HS6ST2: variants seen among roughly 807,000 people sequenced by gnomAD.
HS6ST2 encodes heparan-sulfate 6-O-sulfotransferase 2.
Under a neutral mutation model 33.0 loss-of-function variants are expected in HS6ST2, and 17 were observed. That is an observed-to-expected ratio of 0.52 (90% CI 0.35 to 0.77). HS6ST2 has a LOEUF of 0.77. HS6ST2 is among the 30% of genes least tolerant of loss of function. The probability of loss-of-function intolerance (pLI) is 0.01; values close to 1 mark genes in which losing one functional copy is unlikely to be tolerated. For missense variants in HS6ST2, 519 were observed against 551.7 expected (o/e 0.94, Z 0.59); for synonymous variants, 248 against 237.1 (o/e 1.05, Z -0.42).
chrX:132,668,904 TC>T (rs2063832955), intron 4 of HS6ST2, among the ~76,000 whole-genome samples: 1 of 111,307 alleles, frequency 9.0e-6, no homozygotes, highest in African/African-American at 3.3e-5. Context: ...TTTCCATCCC[TC>T]TCCTCCCTCT....
At position 132,868,251 on chromosome X, in the gene HS6ST2, G is replaced by C. The variant is rs765500829; in HGVS notation, c.947+88557C>G. Among the ~76,000 whole-genome samples, 19 of 112,243 alleles carry C rather than the reference G, an allele frequency of 1.7e-4. No homozygotes were observed. In the South Asian group the frequency reaches 6.4e-3, roughly 38 times the overall value. On this transcript the variant is annotated intron_variant, in intron 2 of 4. Transcript: ENST00000370833. ...AGAGCTAACTATCCTAAATATACGT[G>C]TACCCAGTACATGAGCACCCAGATT... is the stretch of plus-strand genomic sequence containing the variant.
chrX:132,708,669 T>C, intron 2 of HS6ST2, 175 bp from the exon 3 acceptor site: 1 of 412,557 alleles, frequency 2.4e-6, no homozygotes, highest in Admixed American at 3.7e-5. Flanking sequence ...TCTCAAGTAA[T>C]GGGGAGATTC....
chrX:132,864,353 G>C (rs371185275), intron 2 of HS6ST2, among the ~76,000 whole-genome samples: 2 of 108,568 alleles, frequency 1.8e-5, no homozygotes, highest in African/African-American at 3.3e-5. Context: ...TAAGAACCTT[G>C]AAAAAAGGTT....
chrX:132,711,978 C>T (rs962839342), intron 2 of HS6ST2, among the ~76,000 whole-genome samples: 2 of 111,819 alleles, frequency 1.8e-5, no homozygotes, highest in Non-Finnish European at 3.8e-5. Context: ...CCTCCACAGC[C>T]ACACACTTCC....
chrX:132,870,207 T>C (rs778394426), intron 2 of HS6ST2, among the ~76,000 whole-genome samples: 14 of 110,796 alleles, frequency 1.3e-4, no homozygotes, highest in East Asian at 8.5e-4. Flanking sequence ...ATCCAACTTA[T>C]AAGGGATGTG....
At chrX:132,785,222 G>T (rs950880055) in intron 2 of HS6ST2, among the ~76,000 whole-genome samples, 11 of 111,914 alleles carry the variant, frequency 9.8e-5, no homozygotes, top group African/African-American at 3.6e-4. Flanking sequence ...ACAATTAAAC[G>T]TTTTATCAAA....
At chrX:132,656,683 A>G (rs2063732020) in intron 4 of HS6ST2, among the ~76,000 whole-genome samples, 3 of 111,915 alleles carry the variant, frequency 2.7e-5, no homozygotes, top group African/African-American at 9.7e-5. Context: ...GTGTGAACAT[A>G]TGGTTTTTGG....
At chrX:132,763,812 C>A (rs2064823080) in intron 2 of HS6ST2, among the ~76,000 whole-genome samples, 1 of 111,753 alleles carries the variant, frequency 8.9e-6, no homozygotes, top group Non-Finnish European at 1.9e-5. Context: ...TCATCCATCA[C>A]CAAATAGAAA....
chrX:132,958,066 A>T, intron 1 of HS6ST2, 109 bp downstream of exon 1: 1 of 788,367 alleles, frequency 1.3e-6, no homozygotes, highest in Non-Finnish European at 1.7e-6. Context: ...ACCAATGGCC[A>T]GCTGGAACTT....
At chrX:132,790,246 A>T (rs1463850794) in intron 2 of HS6ST2, among the ~76,000 whole-genome samples, 1 of 112,254 alleles carries the variant, frequency 8.9e-6, no homozygotes, top group Non-Finnish European at 1.9e-5. Flanking sequence ...GCAACCATGC[A>T]CATCGAGGCA....
chrX:132,949,453 G>A (rs1013361404), intron 2 of HS6ST2, among the ~76,000 whole-genome samples: 15 of 110,635 alleles, frequency 1.4e-4, no homozygotes, highest in African/African-American at 4.9e-4. Flanking sequence ...TATAAAAAGA[G>A]TTCCATGCAT....
intron 2 of HS6ST2, among the ~76,000 whole-genome samples, chrX:132,861,865 G>A (rs776863329): frequency 8.1e-5 from 9 of 111,245 alleles, no homozygotes; most frequent in Non-Finnish European, 1.3e-4. Flanking sequence ...TATTTTTATT[G>A]TTCATTAGTC....
chrX:132,689,437 A>G (rs2064043709), intron 3 of HS6ST2, among the ~76,000 whole-genome samples: 1 of 111,581 alleles, frequency 9.0e-6, no homozygotes, highest in African/African-American at 3.3e-5. Flanking sequence ...AGTGTCCTCA[A>G]ACAGTCTGGG....
At chrX:132,870,293 C>T (rs997298809) in intron 2 of HS6ST2, among the ~76,000 whole-genome samples, 5 of 111,757 alleles carry the variant, frequency 4.5e-5, no homozygotes. Flanking sequence ...GAAAAATATT[C>T]AATTTTCATG....
At chrX:132,784,340 C>T (rs1279434176) in intron 2 of HS6ST2, among the ~76,000 whole-genome samples, 3 of 111,307 alleles carry the variant, frequency 2.7e-5, no homozygotes, top group African/African-American at 6.5e-5. Context: ...GAGGCAGTCT[C>T]GCTCCGTCAC....
chrX:132,933,986 G>A (rs968863753), intron 2 of HS6ST2, among the ~76,000 whole-genome samples: 2 of 110,586 alleles, frequency 1.8e-5, no homozygotes, highest in Non-Finnish European at 3.8e-5. Flanking sequence ...AAAATTCTCC[G>A]GCTGAAAGCA....
intron 2 of HS6ST2, among the ~76,000 whole-genome samples, chrX:132,812,369 C>A (rs781481626): frequency 1.9e-5 from 2 of 104,275 alleles, no homozygotes; most frequent in Non-Finnish European, 1.9e-5. Context: ...TGCACCACTG[C>A]ACTCCAGCCT....
chrX:132,914,170 C>G (rs5977783), intron 2 of HS6ST2, among the ~76,000 whole-genome samples: 2 of 112,478 alleles, frequency 1.8e-5, no homozygotes, highest in Non-Finnish European at 3.8e-5. Context: ...CTGTTTAACC[C>G]ATTCTGCTCT....
intron 3 of HS6ST2, among the ~76,000 whole-genome samples, chrX:132,701,225 T>C (rs778878371): frequency 1.8e-5 from 2 of 112,109 alleles, no homozygotes; most frequent in East Asian, 5.6e-4. Flanking sequence ...AACAGCCTTT[T>C]CAATTAAAAT....
Sources: gnomAD v4.1 joint callset for allele counts (sites outside exome capture counted in the v4.1 genomes callset) on GRCh38, gnomAD v4.1.1 for gene constraint, MANE v1.5 for transcripts, NCBI Gene and HGNC (gene_info 2026-07-23, HGNC 2026-07-21) for gene names.